OTUD7A: variants seen among roughly 807,000 people sequenced by gnomAD.
The protein encoded by OTUD7A is OTU deubiquitinase 7A.
Under a neutral mutation model 65.7 loss-of-function variants are expected in OTUD7A, and 12 were observed. The ratio of observed to expected loss-of-function variants is 0.18; its 90% CI spans 0.12 to 0.30. The LOEUF (loss-of-function observed/expected upper bound fraction) is 0.30, where lower values mean the gene tolerates loss of function less well. OTUD7A is among the 10% of genes least tolerant of loss of function. OTUD7A has a pLI of 1.00. For synonymous variants in OTUD7A, 641 were observed against 586.3 expected, an observed-to-expected ratio of 1.09 and a Z score of -1.35; for missense variants, 1,148 against 1,304.8, an observed-to-expected ratio of 0.88 and a Z score of 1.85.
chr15:31,499,718 G>C (rs943650549), intron 10 of OTUD7A, among the ~76,000 whole-genome samples: 1 of 152,230 alleles, frequency 6.6e-6, no homozygotes, highest in African/African-American at 2.4e-5. Context: ...CCACAGGATG[G>C]TCTTAGAGGC....
chr15:31,587,005 C>T (rs2141191881), intron 3 of OTUD7A, among the ~76,000 whole-genome samples: 1 of 152,106 alleles, frequency 6.6e-6, no homozygotes, highest in South Asian at 2.1e-4. Flanking sequence ...GAGTTTTGTC[C>T]TCAGGCTAAC....
chr15:31,656,452 G>C (rs1891995170), intron 2 of OTUD7A, among the ~76,000 whole-genome samples: 1 of 152,302 alleles, frequency 6.6e-6, no homozygotes, highest in East Asian at 1.9e-4. Flanking sequence ...TTTTGCACCT[G>C]GCTGAGTTGA....
intron 1 of OTUD7A, among the ~76,000 whole-genome samples, chr15:31,779,705 C>T (rs1402599394): frequency 6.6e-6 from 1 of 152,090 alleles, no homozygotes; most frequent in Admixed American, 6.5e-5. Flanking sequence ...CCTAGGTTGT[C>T]ACTGTTAGGA....
At chr15:31,563,910 C>A (rs1888777731) in intron 4 of OTUD7A, among the ~76,000 whole-genome samples, 1 of 122,100 alleles carries the variant, frequency 8.2e-6, no homozygotes, top group Non-Finnish European at 1.8e-5. Flanking sequence ...CCACCAGAGC[C>A]TGTGCTCCAG....
intron 4 of OTUD7A, among the ~76,000 whole-genome samples, chr15:31,559,896 G>C (rs1164832055): frequency 6.6e-6 from 1 of 152,176 alleles, no homozygotes; most frequent in South Asian, 2.1e-4. Flanking sequence ...TATCCTACAA[G>C]CCTTTTCTAT....
chr15:31,850,001 G>T (rs1012842358), intron 1 of OTUD7A, among the ~76,000 whole-genome samples: 18 of 152,150 alleles, frequency 1.2e-4, no homozygotes, highest in Admixed American at 1.1e-3. Flanking sequence ...AAGACAGTGT[G>T]GCAATTCCTC....
chr15:31,726,570 G>T (rs540366532), intron 1 of OTUD7A, among the ~76,000 whole-genome samples: 210 of 152,274 alleles, frequency 1.4e-3, no homozygotes, highest in South Asian at 2.7e-3. Context: ...TAGCAACCTG[G>T]CTTCAACAAA....
At chr15:31,682,169 G>T (rs1201984702) in intron 1 of OTUD7A, among the ~76,000 whole-genome samples, 1 of 152,212 alleles carries the variant, frequency 6.6e-6, no homozygotes, top group East Asian at 1.9e-4. Context: ...TGTAGACCTG[G>T]AGAACAACAG....
chr15:31,509,091 G>A (rs1324627612), intron 8 of OTUD7A, among the ~76,000 whole-genome samples: 2 of 152,036 alleles, frequency 1.3e-5, no homozygotes, highest in South Asian at 2.1e-4. Flanking sequence ...TTTAATGTCT[G>A]ACTATAAGGT....
At chr15:31,685,692 G>A (rs546761295) in intron 1 of OTUD7A, among the ~76,000 whole-genome samples, 55 of 152,308 alleles carry the variant, frequency 3.6e-4, no homozygotes, top group African/African-American at 1.3e-3. Flanking sequence ...TGCTTGTGGA[G>A]CCAGATCATT....
intron 10 of OTUD7A, among the ~76,000 whole-genome samples, chr15:31,497,513 G>C (rs1280066545): frequency 2.6e-5 from 4 of 152,108 alleles, no homozygotes; most frequent in African/African-American, 4.8e-5. Flanking sequence ...GCCTCCCAAA[G>C]TGCTGAGATT....
intron 3 of OTUD7A, among the ~76,000 whole-genome samples, chr15:31,645,924 C>T (rs1891647412): frequency 6.6e-6 from 1 of 152,216 alleles, no homozygotes; most frequent in Non-Finnish European, 1.5e-5. Flanking sequence ...ACACTCAGCC[C>T]AGAGGCCCTC....
rs1888074997 is a variant in OTUD7A, at chr15:31,544,508, T to G, written c.551-13700A>C. On this transcript the variant is annotated intron_variant, in intron 5 of 12. Coordinates refer to ENST00000307050, the MANE Select transcript of OTUD7A (RefSeq NM_001382637.1). ...CTAGCTGTTAAATATGAAAGTAAAA[T>G]AATGCCATTTTCAGACAAATGAAAA... is the stretch of plus-strand genomic sequence containing the variant. 2.6e-5 allele frequency among the ~76,000 whole-genome samples: 4 copies of G among 151,870 alleles called. No homozygotes were observed. The South Asian group carries it at 8.3e-4, about 31-fold the overall frequency.
In OTUD7A at chr15:31,619,865, C is replaced by T. The variant is rs528691464; in HGVS notation, c.151+35231G>A. ...GTGCCAGTTTTCAAAGGGAATGCTT[C>T]CAGTTTTTGCCCATTCAGTATGATA... On this transcript the variant is annotated intron_variant, in intron 3 of 12. Transcript: ENST00000307050. Among the ~76,000 whole-genome samples, 7 of 152,296 alleles carry T rather than the reference C, an allele frequency of 4.6e-5. No homozygotes were observed. In the South Asian group the frequency reaches 1.2e-3, roughly 27 times the overall value.
At chr15:31,619,929 G>A (rs550978393) in intron 3 of OTUD7A, among the ~76,000 whole-genome samples, 4 of 152,270 alleles carry the variant, frequency 2.6e-5, no homozygotes, top group East Asian at 1.9e-4. Flanking sequence ...TTATTATTTC[G>A]AGATATGTCC....
chr15:31,851,787 T>TG (rs1179747928), intron 1 of OTUD7A, among the ~76,000 whole-genome samples: 1 of 152,168 alleles, frequency 6.6e-6, no homozygotes, highest in Non-Finnish European at 1.5e-5. Context: ...TCTACAAACT[T>TG]GGAGGCAGGC....
intron 1 of OTUD7A, among the ~76,000 whole-genome samples, chr15:31,860,407 T>C (rs1350240600): frequency 1.3e-5 from 2 of 151,948 alleles, no homozygotes; most frequent in African/African-American, 4.8e-5. Flanking sequence ...ATTAAATTTC[T>C]AATTTTAATT....
At chr15:31,766,084 A>G in intron 1 of OTUD7A, 1 of 1,468,338 alleles carries the variant, frequency 6.8e-7, no homozygotes, top group Non-Finnish European at 9.5e-7. Context: ...CCCCTTTTTA[A>G]GTAGTCAAGA....
At chr15:31,859,862 G>A (rs1479687171) in intron 1 of OTUD7A, among the ~76,000 whole-genome samples, 2 of 152,190 alleles carry the variant, frequency 1.3e-5, no homozygotes, top group Admixed American at 1.3e-4. Context: ...CAGGACAGCC[G>A]CAACTCTGAG....
Sources: allele counts gnomAD v4.1 joint callset (sites outside exome capture counted in the v4.1 genomes callset), GRCh38; gene constraint gnomAD v4.1.1; transcripts MANE v1.5; gene names NCBI Gene and HGNC (gene_info 2026-07-23, HGNC 2026-07-21).